Variants in USP25 observed in about 807,000 individuals in gnomAD.
USP25 encodes the protein ubiquitin carboxyl-terminal hydrolase 25.
In USP25, 85 loss-of-function variants were observed where a neutral mutation model predicts 158.5. That is an observed-to-expected ratio of 0.54 (90% confidence interval 0.45 to 0.64). The LOEUF (loss-of-function observed/expected upper bound fraction) is 0.64. USP25 is among the 30% of genes least tolerant of loss of function. The probability of loss-of-function intolerance (pLI) is 0.00; values close to 1 mark genes in which losing one functional copy is unlikely to be tolerated. For missense variants in USP25, 1,242 were observed against 1,327.3 expected (o/e 0.94, Z 1.00); for synonymous variants, 464 against 460.4 (o/e 1.01, Z -0.10).
rs75547079 is a variant in USP25, at chr21:15,845,479, A to G, written c.2338-2184A>G. ...GCAAATGATACTACAGAATTATTAT[A>G]TGTGGCAAAGTTTCTTCCCCCTTTC... On this transcript the variant is annotated intron_variant, in intron 18 of 25. Transcript: ENST00000400183. Among the ~76,000 whole-genome samples, 1,183 of 152,214 alleles carry G rather than the reference A, an allele frequency of 7.8e-3. 10 individuals are homozygous for G. Among genetic ancestry groups the G allele is most frequent in the African/African-American group, 0.024 (1,011 of 41,550 alleles).
chr21:15,871,296 A>G (rs1195845312), intron 23 of USP25, among the ~76,000 whole-genome samples: 2 of 152,208 alleles, frequency 1.3e-5, no homozygotes, highest in Non-Finnish European at 2.9e-5. Context: ...CCTCCAATTT[A>G]TGAGTTATGT....
At chr21:15,790,022 C>G (rs1236421567) in intron 4 of USP25, among the ~76,000 whole-genome samples, 3 of 152,002 alleles carry the variant, frequency 2.0e-5, no homozygotes, top group Non-Finnish European at 4.4e-5. Flanking sequence ...TTTAGGACCT[C>G]CTGGGTCTCC....
At chr21:15,762,556 A>C (rs1379931398) in intron 1 of USP25, among the ~76,000 whole-genome samples, 2 of 152,138 alleles carry the variant, frequency 1.3e-5, no homozygotes, top group Non-Finnish European at 2.9e-5. Context: ...TGTGCTTACC[A>C]TCATGGATAA....
Position 15,878,560 on chromosome 21 carries a change from G to A in USP25, c.*85G>A, listed in dbSNP as rs2040189612. Reference sequence around the variant, plus strand: ...CCTGTCACAGGGTTTGCTTGTTGCTGCTATAGTTTTTAACTTTTTTTTATT... The same window carrying A: ...CCTGTCACAGGGTTTGCTTGTTGCTACTATAGTTTTTAACTTTTTTTTATT... On this transcript the variant is annotated 3_prime_UTR_variant, in exon 26 of 26. Transcript: ENST00000400183. 1 of 1,421,044 alleles carries A rather than the reference G, an allele frequency of 7.0e-7. No homozygotes were observed. Among genetic ancestry groups the A allele is most frequent in the African/African-American group, 1.4e-5 (1 of 69,022 alleles). The allele number at this position is 1,421,044 out of a possible 1,614,324, so 88.0% of individuals were successfully genotyped here. A position where few individuals can be genotyped will look rare whatever the true frequency, so the allele number is the denominator to read the frequency against.
At chr21:15,796,507 G>T in intron 5 of USP25, among the ~76,000 whole-genome samples, 1 of 151,350 alleles carries the variant, frequency 6.6e-6, no homozygotes, top group East Asian at 1.9e-4. Context: ...GCGTAGTTGA[G>T]GAACTAAGAA....
chr21:15,808,546 T>TTGTGTGTG lies in USP25; in HGVS notation c.781-243_781-236dup, dbSNP rs35849786. Among the ~76,000 whole-genome samples, 1,037 of 148,464 alleles carry TTGTGTGTG rather than the reference T, an allele frequency of 7.0e-3. 11 individuals are homozygous for TTGTGTGTG. Among genetic ancestry groups the TTGTGTGTG allele is most frequent in the African/African-American group, 0.018 (725 of 40,576 alleles). ...TCTCATTTGTAAGTTTGGTTTTTGA[T>TTGTGTGTG]TGTGTGTGTGTGTGTGTGTGTGTGT... On this transcript the variant is annotated intron_variant, in intron 7 of 25. Transcript: ENST00000400183.
chr21:15,802,457 TGGTAGAAATCAA>T (rs748027499), intron 6 of USP25, among the ~76,000 whole-genome samples: 2 of 151,518 alleles, frequency 1.3e-5, no homozygotes, highest in East Asian at 1.9e-4. Context: ...CTGATGAAAA[TGGTAGAAATCAA>T]GGTAGAAATC....
chr21:15,731,079 C>G (rs2030834305), intron 1 of USP25, among the ~76,000 whole-genome samples: 1 of 141,772 alleles, frequency 7.1e-6, no homozygotes, highest in Non-Finnish European at 1.5e-5. Flanking sequence ...CTAAGTTTGA[C>G]CTTGTTCTTT....
chr21:15,799,483 G>A, intron 5 of USP25: 1 of 222,600 alleles, frequency 4.5e-6, no homozygotes, highest in Non-Finnish European at 8.9e-6. Flanking sequence ...TGAGGAAACT[G>A]CTTAAGTGCA....
At chr21:15,795,580 G>T (rs749143234) in intron 5 of USP25, among the ~76,000 whole-genome samples, 1 of 151,462 alleles carries the variant, frequency 6.6e-6, no homozygotes, top group Non-Finnish European at 1.5e-5. Flanking sequence ...AGAGAAATGG[G>T]ATTGGTCGAT....
chr21:15,780,377 G>A lies in USP25; in HGVS notation c.392+2350G>A, dbSNP rs141500375. Among the ~76,000 whole-genome samples, 407 of 152,264 alleles carry A rather than the reference G, an allele frequency of 2.7e-3. 7 individuals carry two copies. The highest frequency in any genetic ancestry group is 3.7e-3 in the East Asian group (19 of 5,184). ...ACACTTTTTAGTGTCAGAATTGGGT[G>A]TATTTATTATCTCTTGATTATCACT... On this transcript the variant is annotated intron_variant, in intron 4 of 25. Transcript: ENST00000400183.
intron 18 of USP25, among the ~76,000 whole-genome samples, chr21:15,846,158 A>ATATTTTTTT (rs1325255884): frequency 4.2e-5 from 1 of 23,952 alleles, no homozygotes; most frequent in East Asian, 1.5e-3. Context: ...ATATATATAT[A>ATATTTTTTT]TTTTTTTTTT....
At position 15,799,822 on chromosome 21, in the gene USP25, A is replaced by G; in HGVS notation, c.621A>G (p.Gln207=). 4 of 1,604,170 alleles carry G rather than the reference A, an allele frequency of 2.5e-6. No homozygotes were observed. Among genetic ancestry groups the G allele is most frequent in the Non-Finnish European group, 3.4e-6 (4 of 1,174,228 alleles). Reference sequence around the variant, plus strand: ...ATTACAAGCCTCCATCAAATGCTCAAGATTTACCCCGAAACCAAAAGGTAA... The same window carrying G: ...ATTACAAGCCTCCATCAAATGCTCAGGATTTACCCCGAAACCAAAAGGTAA... The part of the protein sequence containing the change: ...VLNYKPPSNA[Q]DLPRNQKEHR... Residue 207 remains glutamine, a synonymous_variant, in exon 6 of 26, where the codon CAA becomes CAG. Coordinates refer to ENST00000400183, the MANE Select transcript of USP25 (RefSeq NM_001283041.3).
intron 3 of USP25, among the ~76,000 whole-genome samples, chr21:15,769,093 G>GTTATA (rs769083623): frequency 9.9e-5 from 15 of 152,102 alleles, no homozygotes; most frequent in Non-Finnish European, 1.9e-4. Flanking sequence ...TCACATGGAA[G>GTTATA]TTATATTTGG....
rs568891176 is a variant in USP25 at position 15,826,558 on chromosome 21, G to C, written c.1466+193G>C. ...TATTTCAGTAGATTTTATGGTTATG[G>C]ATTAAAATTTTAATCACATTTTTTT... On this transcript the variant is annotated intron_variant, in intron 13 of 25. Coordinates refer to ENST00000400183, the MANE Select transcript of USP25 (RefSeq NM_001283041.3). This position sits in a 1 kb window ranked among gnomAD's most constrained non-coding sequence, Gnocchi z 4.8. Among the ~76,000 whole-genome samples the C allele has an allele frequency of 6.6e-6, 1 of 152,114 alleles. No individual in the cohort carries two copies. The highest frequency in any genetic ancestry group is 1.5e-5 in the Non-Finnish European group (1 of 67,996).
At chr21:15,776,434 A>G (rs2034661079) in intron 3 of USP25, among the ~76,000 whole-genome samples, 1 of 152,120 alleles carries the variant, frequency 6.6e-6, no homozygotes, top group African/African-American at 2.4e-5. Flanking sequence ...TGTGGATAAA[A>G]ATAGAAGTAG....
chr21:15,831,736 T>C (rs746622098), intron 16 of USP25, 107 bp downstream of exon 16: 2 of 912,802 alleles, frequency 2.2e-6, no homozygotes, highest in Non-Finnish European at 3.5e-6. Flanking sequence ...AGGATGTGGT[T>C]AGGAAATGCT....
intron 24 of USP25, 69 bp downstream of exon 24, chr21:15,874,595 T>TA (rs2082935702): frequency 6.9e-7 from 1 of 1,449,542 alleles, no homozygotes. Flanking sequence ...CAGACTCATA[T>TA]ATAAGTGATT....
At chr21:15,872,494 G>T (rs1284260558) in intron 23 of USP25, among the ~76,000 whole-genome samples, 1 of 152,108 alleles carries the variant, frequency 6.6e-6, no homozygotes, top group Non-Finnish European at 1.5e-5. Flanking sequence ...TAGCTATAAA[G>T]GAAAAGATAG....
Sources: allele counts gnomAD v4.1 joint callset (sites outside exome capture counted in the v4.1 genomes callset), GRCh38; gene constraint gnomAD v4.1.1; non-coding constraint Gnocchi (gnomAD v3.1); transcripts MANE v1.5; gene names NCBI Gene and HGNC (gene_info 2026-07-23, HGNC 2026-07-21).